PABPC1L: variants seen among roughly 807,000 people sequenced by gnomAD.
The protein encoded by PABPC1L is polyadenylate-binding protein 1-like.
In PABPC1L, 31 loss-of-function variants were observed where a neutral mutation model predicts 66.6. That is an observed-to-expected ratio of 0.47 (90% CI 0.35 to 0.63). The LOEUF (loss-of-function observed/expected upper bound fraction) is 0.63, where lower values mean the gene tolerates loss of function less well. Among genes scored for constraint, PABPC1L ranks in the 20% least tolerant of loss-of-function variants. The pLI, the probability that PABPC1L is intolerant of heterozygous loss-of-function variation, is 0.00. For synonymous variants in PABPC1L, 348 were observed against 335.1 expected (o/e 1.04, Z -0.42); for missense variants, 722 against 848.8 (o/e 0.85, Z 1.86).
intron 9 of PABPC1L, 99 bp downstream of exon 9, chr20:44,932,531 C>A: frequency 9.2e-7 from 1 of 1,083,326 alleles, no homozygotes; most frequent in Non-Finnish European, 1.3e-6. Context: ...TGCCACTTCC[C>A]AAGGTGGGTG....
chr20:44,919,192 T>C lies in PABPC1L; in HGVS notation c.653T>C (p.Leu218Pro). 1.2e-6 allele frequency: 2 copies of C among 1,614,170 alleles called. No homozygotes were observed. The highest frequency in any genetic ancestry group is 2.2e-5 in the South Asian group (2 of 91,090). Residue 218 changes from leucine to proline, a missense_variant, in exon 5 of 15, where the codon CTG (leucine) becomes CCG (proline). Around this residue, in one of 3 missense-constraint regions of PABPC1L, gnomAD observed 137 missense variants for 216.8 expected, o/e 0.63. Transcript: ENST00000217073. Reference sequence around the variant, plus strand: ...GGTTGGTCCTTTGCAGGGAAAATGCTGAGTGTGAAGGTGATGAGGGACAAC... The same window carrying C: ...GGTTGGTCCTTTGCAGGGAAAATGCCGAGTGTGAAGGTGATGAGGGACAAC... ...QDLFSQFGKM[L>P]SVKVMRDNSG...
chr20:44,919,081 T>C, intron 4 of PABPC1L, 36 bp downstream of exon 4: 1 of 1,611,304 alleles, frequency 6.2e-7, no homozygotes, highest in Non-Finnish European at 8.5e-7. Context: ...GGGATCACTG[T>C]TTTTCCTCTT....
intron 8 of PABPC1L, 36 bp from the exon 9 acceptor site, chr20:44,932,306 C>A: frequency 6.4e-7 from 1 of 1,553,174 alleles, no homozygotes; most frequent in Non-Finnish European, 8.8e-7. Flanking sequence ...ACCCTGCCGC[C>A]AAGCCCCTCA....
At chr20:44,937,415 ATT>A (rs1015243646) in intron 12 of PABPC1L, among the ~76,000 whole-genome samples, 1 of 144,004 alleles carries the variant, frequency 6.9e-6, no homozygotes, top group African/African-American at 2.5e-5. Flanking sequence ...TCACCCCGAA[ATT>A]TTTTTTTTTT....
Position 44,910,484 on chromosome 20 carries a change from C to A in PABPC1L, c.193+148C>A, listed in dbSNP as rs2066696830. ...AAAGATAACAGGGCGTTGGCAGAGG[C>A]CTGGCCCCTGAGACGGGAATTGGTA... On this transcript the variant is annotated intron_variant, in intron 1 of 14. Transcript: ENST00000217073. 5.5e-6 allele frequency: 5 copies of A among 912,270 alleles called. No homozygotes were observed. In the Admixed American group the frequency reaches 9.5e-5, roughly 17 times the overall value. 56.5% of individuals were successfully genotyped at this position (912,270 alleles called of 1,614,324 possible).
chr20:44,924,123 G>C, intron 6 of PABPC1L, 38 bp from the exon 7 acceptor site: 1 of 1,537,622 alleles, frequency 6.5e-7, no homozygotes, highest in Non-Finnish European at 9.0e-7. Flanking sequence ...GGGGCTTGGA[G>C]GAGAAGGGGA....
chr20:44,937,507 C>T (rs781368556), intron 12 of PABPC1L, among the ~76,000 whole-genome samples: 3 of 152,132 alleles, frequency 2.0e-5, no homozygotes, highest in African/African-American at 7.2e-5. Context: ...CTCCACCTCC[C>T]GGGTTCAAGT....
intron 13 of PABPC1L, 80 bp downstream of exon 13, chr20:44,938,271 T>C (rs2066917319): frequency 1.3e-6 from 2 of 1,519,668 alleles, no homozygotes; most frequent in Admixed American, 2.3e-5. Flanking sequence ...GTGGAGCCAG[T>C]GGATAGCTGT....
intron 6 of PABPC1L, among the ~76,000 whole-genome samples, chr20:44,923,800 T>C (rs927237420): frequency 6.6e-6 from 1 of 152,150 alleles, no homozygotes; most frequent in African/African-American, 2.4e-5. Context: ...CTCTGACTCC[T>C]GCTGCCCGAC....
intron 7 of PABPC1L, among the ~76,000 whole-genome samples, chr20:44,925,800 T>A (rs1486773691): frequency 1.3e-5 from 2 of 152,240 alleles, no homozygotes; most frequent in East Asian, 3.8e-4. Context: ...CTATAGGTCC[T>A]CTTTCCAAGC....
At chr20:44,913,412 C>A (rs1055440637) in intron 2 of PABPC1L, among the ~76,000 whole-genome samples, 2 of 151,406 alleles carry the variant, frequency 1.3e-5, no homozygotes, top group Admixed American at 6.6e-5. Context: ...ACTTCCACTA[C>A]GTTTTTTTTT....
chr20:44,928,942 G>A (rs1455077294), intron 7 of PABPC1L, among the ~76,000 whole-genome samples: 2 of 149,976 alleles, frequency 1.3e-5, no homozygotes, highest in East Asian at 2.0e-4. Context: ...CTTATGGGCT[G>A]TATGAGCCAG....
intron 2 of PABPC1L, among the ~76,000 whole-genome samples, chr20:44,915,263 C>G (rs549428352): frequency 6.6e-6 from 1 of 152,282 alleles, no homozygotes; most frequent in African/African-American, 2.4e-5. Flanking sequence ...AGTGTGCAAG[C>G]TAGGCTGGGA....
chr20:44,924,895 C>A (rs1262205092), intron 7 of PABPC1L, among the ~76,000 whole-genome samples: 2 of 151,882 alleles, frequency 1.3e-5, no homozygotes, highest in Non-Finnish European at 2.9e-5. Flanking sequence ...CGGGGTAGGG[C>A]CTGGGCTTTT....
intron 13 of PABPC1L, 143 bp from the exon 14 acceptor site, chr20:44,938,531 G>T: frequency 1.1e-6 from 1 of 930,178 alleles, no homozygotes. Context: ...CTTGCAAGCA[G>T]TGGTGGATGG....
intron 5 of PABPC1L, among the ~76,000 whole-genome samples, chr20:44,920,160 A>T (rs1022491561): frequency 6.6e-6 from 1 of 152,160 alleles, no homozygotes; most frequent in Non-Finnish European, 1.5e-5. Context: ...CACATCATTA[A>T]CACACACAGT....
intron 12 of PABPC1L, among the ~76,000 whole-genome samples, chr20:44,937,415 AT>A (rs1015243646): frequency 0.019 from 2,771 of 143,710 alleles, 32 homozygotes; most frequent in African/African-American, 0.033. Context: ...TCACCCCGAA[AT>A]TTTTTTTTTT....
chr20:44,913,062 G>A (rs1454387742), intron 2 of PABPC1L, among the ~76,000 whole-genome samples: 1 of 152,220 alleles, frequency 6.6e-6, no homozygotes, highest in East Asian at 1.9e-4. Context: ...CTCTCGCTGT[G>A]TAACCACCTT....
intron 7 of PABPC1L, among the ~76,000 whole-genome samples, chr20:44,926,607 C>T (rs549388308): frequency 2.0e-5 from 3 of 150,508 alleles, no homozygotes; most frequent in East Asian, 4.0e-4. Flanking sequence ...AGTGCAATGG[C>T]GCGATCTTGG....
Sources: gnomAD v4.1 joint callset for allele counts (sites outside exome capture counted in the v4.1 genomes callset) on GRCh38, gnomAD v4.1.1 for gene constraint, gnomAD v4.1.1 regional missense constraint, MANE v1.5 for transcripts, NCBI Gene and HGNC (gene_info 2026-07-23, HGNC 2026-07-21) for gene names.